Variants in RNF103 observed in about 807,000 individuals in gnomAD.
The protein encoded by RNF103 is ring finger protein 103.
RNF103 carries 23 observed loss-of-function variants against 66.2 expected under a neutral mutation model. That is an observed-to-expected ratio of 0.35 (90% CI 0.25 to 0.49). The LOEUF (loss-of-function observed/expected upper bound fraction) is 0.49. Among genes scored for constraint, RNF103 ranks in the 20% least tolerant of loss-of-function variants. The probability of loss-of-function intolerance (pLI) is 0.98; values close to 1 mark genes in which losing one functional copy is unlikely to be tolerated. For synonymous variants in RNF103, 297 were observed against 289.9 expected, an observed-to-expected ratio of 1.02 and a Z score of -0.25; for missense variants, 730 against 814.7, an observed-to-expected ratio of 0.90 and a Z score of 1.27.
chr2:86,608,693 C>A (rs1000438771), intron 3 of RNF103, among the ~76,000 whole-genome samples: 3 of 152,050 alleles, frequency 2.0e-5, no homozygotes, highest in Non-Finnish European at 4.4e-5. Context: ...CTGTTTACCA[C>A]TCAGCTCCTG....
chr2:86,623,039 G>A lies in RNF103; in HGVS notation c.-153C>T, dbSNP rs1679295406. 1.5e-6 allele frequency: 2 copies of A among 1,350,000 alleles called. No homozygotes were observed. The highest frequency in any genetic ancestry group is 1.8e-5 in the South Asian group (1 of 55,232). The allele number at this position is 1,350,000 out of a possible 1,614,324, so 83.6% of individuals were successfully genotyped here. A position where few individuals can be genotyped will look rare whatever the true frequency, so the allele number is the denominator to read the frequency against. On this transcript the variant is annotated 5_prime_UTR_variant, in exon 1 of 4. Transcript: ENST00000237455. ...CGTCACTGGCCGGCCATCCCCGGCG[G>A]GGAAGCAGGTGACGGGATCCGCGCG... is the stretch of plus-strand genomic sequence containing the variant.
intron 2 of RNF103, chr2:86,614,757 G>T: frequency 1.0e-6 from 1 of 968,230 alleles, no homozygotes; most frequent in Non-Finnish European, 1.2e-6. Flanking sequence ...TCAAAGACAA[G>T]TTTAACTTAT....
intron 2 of RNF103, chr2:86,617,179 C>T: frequency 3.0e-6 from 3 of 985,392 alleles, no homozygotes; most frequent in Non-Finnish European, 2.4e-6. Context: ...ATTACAGAGA[C>T]TATACGTAAC....
intron 3 of RNF103, among the ~76,000 whole-genome samples, chr2:86,609,887 C>T (rs1241259333): frequency 3.9e-5 from 6 of 152,092 alleles, no homozygotes; most frequent in Admixed American, 3.3e-4. Context: ...AAGATGATGA[C>T]TCAATTATTC....
intron 3 of RNF103, among the ~76,000 whole-genome samples, chr2:86,608,171 C>T (rs946763219): frequency 1.2e-4 from 18 of 151,954 alleles, no homozygotes; most frequent in African/African-American, 4.4e-4. Context: ...TTTGGTCTTC[C>T]AGTTGCTGAT....
At position 86,622,940 on chromosome 2, in the gene RNF103, G is replaced by T; in HGVS notation, c.-54C>A. The T allele has an allele frequency of 6.6e-7, 1 of 1,519,234 alleles. No individual in the cohort carries two copies. Among genetic ancestry groups the T allele is most frequent in the South Asian group, 1.2e-5 (1 of 80,944 alleles). 94.1% of individuals were successfully genotyped at this position (1,519,234 alleles called of 1,614,324 possible). ...GAGCTCGGAATACGGGAGAGAGAAG[G>T]GTCGAGGGCGGGGGCCGCGGCTCGG... On this transcript the variant is annotated 5_prime_UTR_variant, in exon 1 of 4. Coordinates refer to ENST00000237455, the MANE Select transcript of RNF103 (RefSeq NM_005667.4).
intron 1 of RNF103, 52 bp downstream of exon 1, chr2:86,622,609 G>A: frequency 6.4e-7 from 1 of 1,567,606 alleles, no homozygotes; most frequent in Non-Finnish European, 8.8e-7. Context: ...AGGAGGTACA[G>A]GTCGTCCCCT....
chr2:86,615,320 A>G (rs1678972584), intron 2 of RNF103: 1 of 724,362 alleles, frequency 1.4e-6, no homozygotes, highest in South Asian at 6.2e-5. Context: ...CTTTATAGTT[A>G]TATTTATGCA....
In RNF103 at chr2:86,620,355, G is replaced by T. The variant is rs1402413079; in HGVS notation, c.341C>A (p.Thr114Lys). The T allele has an allele frequency of 6.2e-7, 1 of 1,604,768 alleles. No homozygotes were observed. Residue 114 changes from threonine (T) to lysine (K), a missense_variant, in exon 2 of 4, where the codon ACA (threonine) becomes AAA (lysine). Physicochemically the swap from Thr to Lys is moderately conservative, Grantham distance 78. Transcript: ENST00000237455. ...EMHFYELVED[T>K]KDGIWLVQVI... ...CTGAACCAGCCAGATGCCATCTTTT[G>T]TGTCTTCCACAAGCTCATAGAAGTG...
intron 1 of RNF103, among the ~76,000 whole-genome samples, chr2:86,621,313 GA>G (rs1022855653): frequency 3.3e-5 from 5 of 150,582 alleles, no homozygotes; most frequent in South Asian, 2.1e-4. Context: ...ACAGTCAAAA[GA>G]AAAAAAAATG....
Position 86,623,652 on chromosome 2 carries a change from T to G in RNF103, c.-766A>C. On this transcript the variant is annotated 5_prime_UTR_variant, in exon 1 of 4. Coordinates refer to ENST00000237455, the MANE Select transcript of RNF103 (RefSeq NM_005667.4). ...GGCGTCGCGGTCTCTGCAGATGGAA[T>G]CGGTCTCGGAGGGAAAAAACCAATA... The G allele has an allele frequency of 8.8e-7, 1 of 1,140,814 alleles. No individual in the cohort carries two copies. 70.7% of individuals were successfully genotyped at this position (1,140,814 alleles called of 1,614,324 possible). A position where few individuals can be genotyped will look rare whatever the true frequency, so the allele number is the denominator to read the frequency against.
chr2:86,608,486 CA>C (rs1222638516), intron 3 of RNF103, among the ~76,000 whole-genome samples: 439 of 40,130 alleles, frequency 0.011, 1 homozygote, highest in East Asian at 0.049. Context: ...GACTCCATCT[CA>C]AAAAAAAAAA....
Position 86,604,690 on chromosome 2 carries a change from G to A in RNF103, c.1211C>T (p.Ser404Leu). Residue 404 changes from serine to leucine, a missense_variant, in exon 4 of 4, where the codon TCA becomes TTA. By Grantham distance (145) the Ser-to-Leu change is moderately radical. Coordinates refer to ENST00000237455, the MANE Select transcript of RNF103 (RefSeq NM_005667.4). ...LRYSNTTTLA[S>L]WVRADWMFYS... is the part of the protein sequence containing the mutation. ...AAACATCCAGTCTGCCCTTACCCATGAAGCCAGTGTGGTTGTATTGGAATA... is the reference window on the plus strand; with the variant it reads ...AAACATCCAGTCTGCCCTTACCCATAAAGCCAGTGTGGTTGTATTGGAATA... The A allele has an allele frequency of 6.2e-7, 1 of 1,614,174 alleles. No individual in the cohort carries two copies. Among genetic ancestry groups the A allele is most frequent in the Non-Finnish European group, 8.5e-7 (1 of 1,180,030 alleles).
Position 86,605,216 on chromosome 2 carries a change from T to C in RNF103, c.685A>G (p.Lys229Glu), listed in dbSNP as rs1678499993. ...NAEHLKEEWN[K>E]SDQYWLKIYL... ...ATTTTTAACCAATACTGATCACTTTTATTCCATTCTTCTTTCAAGTGTTCA... is the reference window on the plus strand; with the variant it reads ...ATTTTTAACCAATACTGATCACTTTCATTCCATTCTTCTTTCAAGTGTTCA... The change falls in exon 4 of 4, where the codon AAA becomes GAA. Residue 229 changes from lysine to glutamate, a missense_variant. By Grantham distance (56) the Lys-to-Glu change is moderately conservative. This residue lies in a region of RNF103 where 327 missense variants were observed against 369.8 expected (regional missense o/e 0.88). Transcript: ENST00000237455. The C allele has an allele frequency of 6.2e-7, 1 of 1,614,056 alleles. No individual in the cohort carries two copies. The highest frequency in any genetic ancestry group is 8.5e-7 in the Non-Finnish European group (1 of 1,180,032).
In RNF103 at chr2:86,621,656, C is replaced by T. The variant is rs563751512; in HGVS notation, c.226+1005G>A. Among the ~76,000 whole-genome samples, 6 of 152,100 alleles carry T rather than the reference C, an allele frequency of 3.9e-5. No individual in the cohort carries two copies. The South Asian group carries it at 1.0e-3, about 26-fold the overall frequency. Reference sequence around the variant, plus strand: ...AGCGAGCTCATACTCTTGTCTATCACGCTACATGTCTATAAGGTACTAAAG... The same window carrying T: ...AGCGAGCTCATACTCTTGTCTATCATGCTACATGTCTATAAGGTACTAAAG... On this transcript the variant is annotated intron_variant, in intron 1 of 3. Coordinates refer to ENST00000237455, the MANE Select transcript of RNF103 (RefSeq NM_005667.4).
intron 3 of RNF103, among the ~76,000 whole-genome samples, chr2:86,606,091 C>G: frequency 6.6e-6 from 1 of 152,134 alleles, no homozygotes; most frequent in East Asian, 1.9e-4. Flanking sequence ...TTTTTGTATT[C>G]TCTTATTTCT....
chr2:86,607,898 C>T (rs1460581058), intron 3 of RNF103, among the ~76,000 whole-genome samples: 1 of 152,172 alleles, frequency 6.6e-6, no homozygotes, highest in Non-Finnish European at 1.5e-5. Flanking sequence ...GCAGACATTT[C>T]TTCACATAAG....
Position 86,603,811 on chromosome 2 carries a change from C to T in RNF103, c.*32G>A, listed in dbSNP as rs2104193040. 4 of 1,571,780 alleles carry T rather than the reference C, an allele frequency of 2.5e-6. No homozygotes were observed. The highest frequency in any genetic ancestry group is 3.4e-6 in the Non-Finnish European group (4 of 1,162,054). ...CATTAAAAAGGCAAGCTGTAAGATA[C>T]TCAAAGCTTATAAAGGACAAATTGC... On this transcript the variant is annotated 3_prime_UTR_variant, in exon 4 of 4. Transcript: ENST00000237455.
intron 3 of RNF103, among the ~76,000 whole-genome samples, chr2:86,606,730 T>C (rs1362489994): frequency 6.6e-6 from 1 of 151,270 alleles, no homozygotes; most frequent in East Asian, 1.9e-4. Context: ...GTAAAGAGAC[T>C]GTAAGTGAAA....
Sources: gnomAD v4.1 joint callset for allele counts (sites outside exome capture counted in the v4.1 genomes callset) on GRCh38, gnomAD v4.1.1 for gene constraint, gnomAD v4.1.1 regional missense constraint, MANE v1.5 for transcripts, NCBI Gene and HGNC (gene_info 2026-07-23, HGNC 2026-07-21) for gene names.